ZNF732: variants seen among roughly 807,000 people sequenced by gnomAD.
ZNF732 encodes the protein zinc finger protein LOC654254.
In ZNF732, 12 loss-of-function variants were observed where a neutral mutation model predicts 11.5. That is an observed-to-expected ratio of 1.05 (90% CI 0.67 to 1.70). The LOEUF (loss-of-function observed/expected upper bound fraction) is 1.70, where lower values mean the gene tolerates loss of function less well. Among genes scored for constraint, ZNF732 ranks in the 40% most tolerant of loss-of-function variants. ZNF732 has a pLI of 0.00. For missense variants in ZNF732, 702 were observed against 676.9 expected (o/e 1.04, Z -0.41); for synonymous variants, 231 against 236.5 (o/e 0.98, Z 0.21).
intron 1 of ZNF732, among the ~76,000 whole-genome samples, chr4:297,607 TAAAAAAAAA>T (rs57681246): frequency 1.3e-4 from 13 of 101,016 alleles, no homozygotes; most frequent in East Asian, 3.0e-4. Flanking sequence ...TTAAGATTTG[TAAAAAAAAA>T]AAAAAAAAAA....
intron 3 of ZNF732, among the ~76,000 whole-genome samples, chr4:293,310 G>GTGTGTA (rs1560162782): frequency 1.2e-4 from 16 of 132,890 alleles, no homozygotes; most frequent in African/African-American, 5.0e-4. Context: ...GTGTGTGTGT[G>GTGTGTA]TATATATATA....
At chr4:276,631 C>A (rs984165998) in intron 3 of ZNF732, among the ~76,000 whole-genome samples, 1 of 151,734 alleles carries the variant, frequency 6.6e-6, no homozygotes, top group East Asian at 1.9e-4. Context: ...ACTCTTTACA[C>A]TGAAAATTGT....
At chr4:304,720 C>G (rs782063168) in intron 1 of ZNF732, among the ~76,000 whole-genome samples, 1 of 152,232 alleles carries the variant, frequency 6.6e-6, no homozygotes, top group Admixed American at 6.5e-5. Context: ...GCGCCCACAC[C>G]AGCGTATTCT....
At chr4:299,854 G>A (rs1348561700) in intron 1 of ZNF732, among the ~76,000 whole-genome samples, 7 of 143,914 alleles carry the variant, frequency 4.9e-5, no homozygotes, top group African/African-American at 1.8e-4. Context: ...GCGCCACCAT[G>A]CCGGCTAATT....
chr4:275,924 T>C (rs576300191), intron 3 of ZNF732, among the ~76,000 whole-genome samples: 2 of 151,870 alleles, frequency 1.3e-5, no homozygotes, highest in Non-Finnish European at 3.0e-5. Flanking sequence ...GGTAGTTATA[T>C]TGAGTGTTAG....
At chr4:300,903 C>A (rs1051225001) in intron 1 of ZNF732, among the ~76,000 whole-genome samples, 1 of 152,100 alleles carries the variant, frequency 6.6e-6, no homozygotes, top group African/African-American at 2.4e-5. Context: ...TTCTGCACAG[C>A]AAAAGAAACT....
intron 3 of ZNF732, among the ~76,000 whole-genome samples, chr4:279,933 A>G (rs1372848664): frequency 2.0e-5 from 3 of 152,234 alleles, no homozygotes; most frequent in Admixed American, 1.3e-4. Context: ...CACCACATAG[A>G]TAACTTTTAT....
intron 1 of ZNF732, among the ~76,000 whole-genome samples, chr4:296,487 T>C (rs139909714): frequency 0.013 from 1,970 of 152,150 alleles, 23 homozygotes; most frequent in Middle Eastern, 0.061. Flanking sequence ...CTCGCTGTAA[T>C]ATGCGAGGAA....
chr4:299,513 A>G (rs1476303867), intron 1 of ZNF732, among the ~76,000 whole-genome samples: 2 of 132,776 alleles, frequency 1.5e-5, no homozygotes, highest in East Asian at 4.2e-4. Context: ...ACACACATAT[A>G]CGTATATATG....
chr4:279,970 A>G (rs572625806), intron 3 of ZNF732, among the ~76,000 whole-genome samples: 29 of 152,316 alleles, frequency 1.9e-4, no homozygotes, highest in African/African-American at 6.0e-4. Context: ...TGAATTACAC[A>G]TATATTTTAA....
At chr4:292,780 C>A (rs376645042) in intron 3 of ZNF732, among the ~76,000 whole-genome samples, 1 of 149,954 alleles carries the variant, frequency 6.7e-6, no homozygotes, top group Non-Finnish European at 1.5e-5. Flanking sequence ...GGCGCAGTGG[C>A]TCACGCCTGT....
chr4:271,617 CA>C lies in ZNF732; in HGVS notation c.1239del (p.Gly414GlufsTer20). 6.2e-7 allele frequency: 1 copy of C among 1,612,086 alleles called. No individual in the cohort carries two copies. Among genetic ancestry groups the C allele is most frequent in the Non-Finnish European group, 8.5e-7 (1 of 1,178,942 alleles). ...TTLNEHKRIH[T>X]GERPHKCEEC... ...TCTTCACATTTGTGGGGCCTCTCTC[CA>C]GTATGAATTCTCTTATGTTCATTAA... On this transcript the variant is annotated frameshift_variant, in exon 4 of 4. Coordinates refer to ENST00000419098, the MANE Select transcript of ZNF732 (RefSeq NM_001137608.3). LOFTEE classifies it low-confidence loss of function (END_TRUNC).
At chr4:291,895 G>T (rs2108658035) in intron 3 of ZNF732, among the ~76,000 whole-genome samples, 1 of 152,224 alleles carries the variant, frequency 6.6e-6, no homozygotes, top group Non-Finnish European at 1.5e-5. Context: ...GAACAGAATA[G>T]CCCAGAAACA....
chr4:293,872 AAC>A (rs782209345), intron 3 of ZNF732, among the ~76,000 whole-genome samples: 25 of 152,210 alleles, frequency 1.6e-4, no homozygotes, highest in Non-Finnish European at 2.5e-4. Context: ...ATATCACGCA[AAC>A]ACAGATATAT....
chr4:271,239 TA>T lies in ZNF732; in HGVS notation c.1617del (p.Phe539LeufsTer7). Reference sequence around the variant, plus strand: ...TATTTATTCAGGACTCTGGAACGTCTAAATGCTTTGCCACACTCTTCACATC... The same window carrying T: ...TATTTATTCAGGACTCTGGAACGTCTAATGCTTTGCCACACTCTTCACATC... ...PYRCEECGKAFRRSRVLNKYK... is the reference protein window; with the variant it reads ...PYRCEECGKAXRRSRVLNKYK... On this transcript the variant is annotated frameshift_variant, in exon 4 of 4. Transcript: ENST00000419098. LOFTEE classifies it low-confidence loss of function (END_TRUNC). 1.3e-6 allele frequency: 2 copies of T among 1,566,246 alleles called. No individual in the cohort carries two copies. Among genetic ancestry groups the T allele is most frequent in the Non-Finnish European group, 1.7e-6 (2 of 1,154,796 alleles).
At chr4:301,539 T>TA (rs1255917183) in intron 1 of ZNF732, among the ~76,000 whole-genome samples, 6 of 152,192 alleles carry the variant, frequency 3.9e-5, no homozygotes, top group African/African-American at 1.2e-4. Context: ...TATGCAGCCA[T>TA]AAAAAATGAT....
intron 3 of ZNF732, among the ~76,000 whole-genome samples, chr4:292,086 A>G (rs2108658074): frequency 6.6e-6 from 1 of 152,312 alleles, no homozygotes; most frequent in Non-Finnish European, 1.5e-5. Flanking sequence ...ACTTCAATAT[A>G]AGATAAAAAA....
chr4:296,289 A>G (rs959567269), intron 1 of ZNF732, 134 bp from the exon 2 acceptor site: 5 of 1,246,336 alleles, frequency 4.0e-6, no homozygotes, highest in Admixed American at 5.7e-5. Context: ...AATGTTCTCT[A>G]AAGTATTCTA....
In ZNF732 at chr4:299,439, A is replaced by ATATATACACATATGTG. The variant is rs1720047108; in HGVS notation, c.4-3285_4-3284insCACATATGTGTATATA. On this transcript the variant is annotated intron_variant, in intron 1 of 3. Coordinates refer to ENST00000419098, the MANE Select transcript of ZNF732 (RefSeq NM_001137608.3). ...TACACATATATACACATATGTGTAT[A>ATATATACACATATGTG]TATATATATATACACATATGTGTAT... Among the ~76,000 whole-genome samples, 3 of 45,820 alleles carry ATATATACACATATGTG rather than the reference A, an allele frequency of 6.5e-5. 1 individual carries two copies. Among genetic ancestry groups the ATATATACACATATGTG allele is most frequent in the African/African-American group, 2.3e-4 (3 of 12,798 alleles). 30.1% of individuals were successfully genotyped at this position (45,820 alleles called of 152,430 possible). A position where few individuals can be genotyped will look rare whatever the true frequency, so the allele number is the denominator to read the frequency against.
Sources: gnomAD v4.1 joint callset for allele counts (sites outside exome capture counted in the v4.1 genomes callset) on GRCh38, gnomAD v4.1.1 for gene constraint, MANE v1.5 for transcripts, NCBI Gene and HGNC (gene_info 2026-07-23, HGNC 2026-07-21) for gene names.